The following SEC14L1 variants were observed in gnomAD, a reference collection of about 807,000 sequenced individuals.
SEC14L1 encodes SEC14 like lipid binding 1, also known as SEC14-like protein 1.
A neutral mutation model predicts 85.3 loss-of-function variants in SEC14L1; 48 were observed. The ratio of observed to expected loss-of-function variants is 0.56; its 90% CI spans 0.45 to 0.72. The LOEUF (loss-of-function observed/expected upper bound fraction) is 0.72, where lower values mean the gene tolerates loss of function less well. SEC14L1 is among the 30% of genes least tolerant of loss of function. The probability of loss-of-function intolerance (pLI) is 0.00; values close to 1 mark genes in which losing one functional copy is unlikely to be tolerated. For missense variants in SEC14L1, 682 were observed against 921.4 expected (o/e 0.74, Z 3.36); for synonymous variants, 391 against 355.5 (o/e 1.10, Z -1.12).
At chr17:77,145,501 T>G (rs1973261369) in intron 3 of SEC14L1, among the ~76,000 whole-genome samples, 1 of 152,182 alleles carries the variant, frequency 6.6e-6, no homozygotes, top group Admixed American at 6.5e-5. Context: ...GTCTGTGTGT[T>G]AAGAAGTTAC....
chr17:77,164,791 A>G (rs1974214749), intron 3 of SEC14L1, among the ~76,000 whole-genome samples: 1 of 152,172 alleles, frequency 6.6e-6, no homozygotes, highest in Non-Finnish European at 1.5e-5. Context: ...AAGGCCATAG[A>G]TACTGGTACA....
chr17:77,204,523 T>A (rs8075840), intron 10 of SEC14L1, among the ~76,000 whole-genome samples: 799 of 55,834 alleles, frequency 0.014, 8 homozygotes, highest in South Asian at 0.044. Context: ...CCCAGCCAGC[T>A]TTTTTTTTTT....
intron 9 of SEC14L1, among the ~76,000 whole-genome samples, chr17:77,202,936 TAAA>T (rs11349959): frequency 7.5e-6 from 1 of 133,938 alleles, no homozygotes; most frequent in African/African-American, 2.8e-5. Flanking sequence ...AATAAAAAAA[TAAA>T]AAAAAAAAAA....
chr17:77,195,676 CG>C (rs1258714771), intron 7 of SEC14L1, among the ~76,000 whole-genome samples: 2 of 151,798 alleles, frequency 1.3e-5, no homozygotes, highest in African/African-American at 4.8e-5. Flanking sequence ...CTAGTAGAGA[CG>C]GGGTTTCACC....
intron 3 of SEC14L1, among the ~76,000 whole-genome samples, chr17:77,184,584 T>A (rs1975183699): frequency 6.6e-6 from 1 of 152,228 alleles, no homozygotes; most frequent in Admixed American, 6.5e-5. Flanking sequence ...CCTCTGTCCC[T>A]TGGGCATATG....
chr17:77,135,129 A>C (rs553520838), intron 3 of SEC14L1, among the ~76,000 whole-genome samples: 1 of 152,112 alleles, frequency 6.6e-6, no homozygotes, highest in Non-Finnish European at 1.5e-5. Flanking sequence ...TTTTGGCTCT[A>C]TTGACCCCAT....
intron 3 of SEC14L1, among the ~76,000 whole-genome samples, chr17:77,116,881 G>A (rs1305243697): frequency 1.3e-5 from 2 of 152,216 alleles, no homozygotes; most frequent in Admixed American, 1.3e-4. Context: ...AGCTGTGAGA[G>A]GGGGCTGGGG....
intron 3 of SEC14L1, among the ~76,000 whole-genome samples, chr17:77,172,847 A>G (rs1361756572): frequency 2.0e-5 from 3 of 152,152 alleles, no homozygotes; most frequent in Non-Finnish European, 4.4e-5. Context: ...TTTAATTATC[A>G]GTTCTCCAAG....
At chr17:77,092,103 C>T (rs1467532447) in intron 2 of SEC14L1, among the ~76,000 whole-genome samples, 3 of 152,212 alleles carry the variant, frequency 2.0e-5, no homozygotes, top group African/African-American at 7.2e-5. Context: ...GCCACTACAC[C>T]TGGCCTGTTT....
chr17:77,161,541 C>CT (rs1974051051), intron 3 of SEC14L1, among the ~76,000 whole-genome samples: 1 of 151,982 alleles, frequency 6.6e-6, no homozygotes, highest in African/African-American at 2.4e-5. Context: ...GGTCAATAGA[C>CT]TGAGTTCTGC....
intron 3 of SEC14L1, among the ~76,000 whole-genome samples, chr17:77,162,660 C>T (rs1014386200): frequency 5.9e-5 from 9 of 152,008 alleles, no homozygotes; most frequent in African/African-American, 9.6e-5. Flanking sequence ...TGGAGAAACC[C>T]GTCTCTACTA....
chr17:77,210,613 A>G (rs1201873364), intron 14 of SEC14L1: 1 of 152,170 alleles, frequency 6.6e-6, no homozygotes, highest in Non-Finnish European at 1.5e-5. Flanking sequence ...TGCTGTTGCC[A>G]TGGTTTGAAC....
Position 77,109,443 on chromosome 17 carries a change from C to A in SEC14L1, c.-136+16096C>A, listed in dbSNP as rs1971999031. Among the ~76,000 whole-genome samples the A allele has an allele frequency of 1.3e-5, 2 of 152,216 alleles. 1 individual carries two copies. Among genetic ancestry groups the A allele is most frequent in the South Asian group, 4.1e-4 (2 of 4,832 alleles). Reference sequence around the variant, plus strand: ...GTAAGGGTTAAAACAGAGGGAACTTCATTAGCATGCTGACTTGAGACTGAA... The same window carrying A: ...GTAAGGGTTAAAACAGAGGGAACTTAATTAGCATGCTGACTTGAGACTGAA... On this transcript the variant is annotated intron_variant, in intron 3 of 19. Coordinates refer to the SEC14L1 transcript ENST00000392476.
intron 13 of SEC14L1, among the ~76,000 whole-genome samples, chr17:77,207,664 C>T (rs1976535133): frequency 6.6e-6 from 1 of 152,134 alleles, no homozygotes; most frequent in South Asian, 2.1e-4. Flanking sequence ...GTCAGCCAGG[C>T]TGGTCTCAAA....
intron 10 of SEC14L1, 140 bp from the exon 11 acceptor site, chr17:77,205,136 G>GT (rs1483507036): frequency 6.0e-6 from 4 of 668,506 alleles, no homozygotes; most frequent in Non-Finnish European, 1.1e-5. Flanking sequence ...ATGTGAATGT[G>GT]TAAGAAAATC....
At chr17:77,139,681 T>C (rs1224388557), upstream of SEC14L1, among the ~76,000 whole-genome samples, 1 of 150,666 alleles carries the variant, frequency 6.6e-6, no homozygotes, top group East Asian at 2.0e-4. Flanking sequence ...GTATTTTTAG[T>C]AGAGACAGGG....
chr17:77,151,052 A>G (rs1973534595), intron 3 of SEC14L1, among the ~76,000 whole-genome samples: 1 of 152,168 alleles, frequency 6.6e-6, no homozygotes, highest in Non-Finnish European at 1.5e-5. Flanking sequence ...ATATTGAAAT[A>G]CATCTTTTCA....
chr17:77,162,438 T>A (rs1974107238), intron 3 of SEC14L1, among the ~76,000 whole-genome samples: 1 of 152,166 alleles, frequency 6.6e-6, no homozygotes, highest in Admixed American at 6.5e-5. Flanking sequence ...AAAATAGGAA[T>A]GACAGTGTCT....
intron 3 of SEC14L1, among the ~76,000 whole-genome samples, chr17:77,169,579 T>G (rs1011160532): frequency 2.6e-5 from 4 of 152,220 alleles, no homozygotes; most frequent in African/African-American, 9.6e-5. Flanking sequence ...TGGTATCCTG[T>G]TCTAAGCACT....
Sources: gnomAD v4.1 joint callset for allele counts (sites outside exome capture counted in the v4.1 genomes callset) on GRCh38, gnomAD v4.1.1 for gene constraint, MANE v1.5 for transcripts, NCBI Gene and HGNC (gene_info 2026-07-23, HGNC 2026-07-21) for gene names.